The following PELI2 variants were observed in gnomAD, a reference collection of about 807,000 sequenced individuals.
PELI2 encodes the protein E3 ubiquitin-protein ligase pellino homolog 2.
A neutral mutation model predicts 42.3 loss-of-function variants in PELI2; 23 were observed. The observed-to-expected ratio is 0.54, with a 90% confidence interval of 0.39 to 0.77. The LOEUF (loss-of-function observed/expected upper bound fraction) is 0.77. Ranked by LOEUF, PELI2 falls within the 30% of genes least tolerant of loss-of-function variation. The pLI, the probability that PELI2 is intolerant of heterozygous loss-of-function variation, is 0.00. For synonymous variants in PELI2, 245 were observed against 212.2 expected (o/e 1.15, Z -1.34); for missense variants, 463 against 553.2 (o/e 0.84, Z 1.64).
At chr14:56,182,771 T>G (rs1566624619) in intron 2 of PELI2, among the ~76,000 whole-genome samples, 1 of 152,188 alleles carries the variant, frequency 6.6e-6, no homozygotes. Flanking sequence ...AGTTGATGAA[T>G]AATACAACAG....
At chr14:56,252,257 T>C (rs1365606095) in intron 2 of PELI2, among the ~76,000 whole-genome samples, 2 of 152,188 alleles carry the variant, frequency 1.3e-5, no homozygotes, top group South Asian at 2.1e-4. Flanking sequence ...TCATAGCTAA[T>C]GGTAGCACAC....
chr14:56,231,907 TA>T (rs1887588291), intron 2 of PELI2, among the ~76,000 whole-genome samples: 3 of 151,800 alleles, frequency 2.0e-5, no homozygotes, highest in Non-Finnish European at 4.4e-5. Flanking sequence ...ATAGATGCAA[TA>T]AAAAATGATA....
chr14:56,170,152 G>A (rs1885114422), intron 1 of PELI2, among the ~76,000 whole-genome samples: 1 of 152,172 alleles, frequency 6.6e-6, no homozygotes, highest in African/African-American at 2.4e-5. Flanking sequence ...TGGTGCAAGT[G>A]ACAGAGCAGT....
intron 2 of PELI2, among the ~76,000 whole-genome samples, chr14:56,200,097 AT>A (rs1313472594): frequency 1.4e-5 from 1 of 72,898 alleles, no homozygotes; most frequent in Non-Finnish European, 3.5e-5. Context: ...AGGCCTCAAT[AT>A]AACTGTTTAC....
chr14:56,279,639 G>T, intron 2 of PELI2, 37 bp from the exon 3 acceptor site: 1 of 1,178,590 alleles, frequency 8.5e-7, no homozygotes, highest in Non-Finnish European at 1.3e-6. Flanking sequence ...TTGTTGAAAT[G>T]GAATTGTAAT....
chr14:56,145,228 A>G (rs990460726), intron 1 of PELI2, among the ~76,000 whole-genome samples: 4 of 152,156 alleles, frequency 2.6e-5, no homozygotes, highest in Admixed American at 1.3e-4. Context: ...GGTGCCGTAT[A>G]CTTTTAAACA....
intron 2 of PELI2, among the ~76,000 whole-genome samples, chr14:56,179,124 T>C (rs1885492261): frequency 6.6e-6 from 1 of 152,214 alleles, no homozygotes. Context: ...GGAAAAAATC[T>C]GAGTTTTTAT....
intron 2 of PELI2, among the ~76,000 whole-genome samples, chr14:56,210,156 T>A (rs1402077914): frequency 6.6e-6 from 1 of 151,434 alleles, no homozygotes; most frequent in Admixed American, 6.6e-5. Flanking sequence ...TATTTAGGAG[T>A]GAAATGTCAC....
chr14:56,264,256 C>G (rs995266845), intron 2 of PELI2, among the ~76,000 whole-genome samples: 2 of 152,156 alleles, frequency 1.3e-5, no homozygotes, highest in African/African-American at 4.8e-5. Context: ...GGTGATTTCA[C>G]TGTTTGAAAT....
rs576986582 is a variant in PELI2 at position 56,136,048 on chromosome 14, A to T, written c.77+17311A>T. Among the ~76,000 whole-genome samples the T allele has an allele frequency of 5.3e-5, 8 of 152,378 alleles. No individual in the cohort carries two copies. In the East Asian group the frequency reaches 1.5e-3, roughly 29 times the overall value. On this transcript the variant is annotated intron_variant, in intron 1 of 5. Transcript: ENST00000267460. ...ATAACACTGTAAATTTAAAAGATGT[A>T]GAAAACTGGGACCCAACAGAATTCT...
intron 2 of PELI2, among the ~76,000 whole-genome samples, chr14:56,255,632 A>G (rs1723135280): frequency 6.6e-6 from 1 of 152,130 alleles, no homozygotes; most frequent in Non-Finnish European, 1.5e-5. Context: ...CTAAAGTATA[A>G]TTTTTTAAAA....
intron 2 of PELI2, among the ~76,000 whole-genome samples, chr14:56,246,066 A>G (rs1353699215): frequency 2.0e-5 from 3 of 152,166 alleles, no homozygotes; most frequent in African/African-American, 4.8e-5. Flanking sequence ...CATAGATCAT[A>G]TAAATCTTAA....
At chr14:56,279,130 C>G (rs1255648437) in intron 2 of PELI2, among the ~76,000 whole-genome samples, 1 of 152,082 alleles carries the variant, frequency 6.6e-6, no homozygotes. Flanking sequence ...GTTGCTTATA[C>G]AAGATTTAAG....
At chr14:56,128,284 A>T (rs1424559107) in intron 1 of PELI2, among the ~76,000 whole-genome samples, 1 of 152,214 alleles carries the variant, frequency 6.6e-6, no homozygotes, top group Non-Finnish European at 1.5e-5. Context: ...TGACTTAGCA[A>T]CAAATCATTA....
In PELI2 at chr14:56,296,767, C is replaced by T. The variant is rs150061854; in HGVS notation, c.864C>T (p.Leu288=). The T allele has an allele frequency of 1.9e-6, 3 of 1,614,084 alleles. No individual in the cohort carries two copies. Among genetic ancestry groups the T allele is most frequent in the East Asian group, 2.2e-5 (1 of 44,856 alleles). Residue 288 remains leucine, a synonymous_variant, in exon 6 of 6, where the codon CTC becomes CTT. Coordinates refer to ENST00000267460, the MANE Select transcript of PELI2 (RefSeq NM_021255.3). The part of the protein sequence containing the change: ...NAARPQCPVG[L]NTLAFPSINR... ...CCCGGCCTCAGTGTCCTGTGGGGCT[C>T]AACACCCTGGCCTTCCCCAGCATCA...
rs74713674 is a variant in PELI2 at position 56,154,214 on chromosome 14, T to A, written c.78-24121T>A. On this transcript the variant is annotated intron_variant, in intron 1 of 5. Transcript: ENST00000267460. ...ATATGTACATTTGTATATTTTGGTT[T>A]ACATAATTTTTTCATTGGTATTAAG... Among the ~76,000 whole-genome samples the A allele has an allele frequency of 7.3e-3, 1,108 of 152,348 alleles. 8 individuals are homozygous for A. Among genetic ancestry groups the A allele is most frequent in the Non-Finnish European group, 0.013 (866 of 68,026 alleles).
intron 1 of PELI2, among the ~76,000 whole-genome samples, chr14:56,158,251 C>CCTCT (rs1884637271): frequency 2.0e-5 from 3 of 152,048 alleles, no homozygotes; most frequent in Non-Finnish European, 4.4e-5. Context: ...TGGTCTCGAA[C>CCTCT]ACCTGACCTC....
At chr14:56,181,340 C>CTTTT (rs57251739) in intron 2 of PELI2, among the ~76,000 whole-genome samples, 1 of 97,098 alleles carries the variant, frequency 1.0e-5, no homozygotes, top group African/African-American at 3.8e-5. Context: ...CCCTGGTGGA[C>CTTTT]TTTTTTTTTT....
intron 3 of PELI2, among the ~76,000 whole-genome samples, chr14:56,280,039 C>T (rs1485805505): frequency 6.6e-6 from 1 of 152,098 alleles, no homozygotes; most frequent in African/African-American, 2.4e-5. Context: ...ATTTTAAAAG[C>T]TAACCACTTT....
Sources: gnomAD v4.1 joint callset for allele counts (sites outside exome capture counted in the v4.1 genomes callset) on GRCh38, gnomAD v4.1.1 for gene constraint, MANE v1.5 for transcripts, NCBI Gene and HGNC (gene_info 2026-07-23, HGNC 2026-07-21) for gene names.